GPM6B: variants seen among roughly 807,000 people sequenced by gnomAD.
The protein encoded by GPM6B is neuronal membrane glycoprotein M6-b.
Under a neutral mutation model 27.2 loss-of-function variants are expected in GPM6B, and 4 were observed. The observed-to-expected ratio is 0.15, with a 90% CI of 0.07 to 0.34. The LOEUF (loss-of-function observed/expected upper bound fraction) is 0.34. Ranked by LOEUF, GPM6B falls within the 10% of genes least tolerant of loss-of-function variation. The probability of loss-of-function intolerance (pLI) is 1.00; values close to 1 mark genes in which losing one functional copy is unlikely to be tolerated. For missense variants in GPM6B, 183 were observed against 261.9 expected, an observed-to-expected ratio of 0.70 and a Z score of 2.08; for synonymous variants, 124 against 103.1, an observed-to-expected ratio of 1.20 and a Z score of -1.23.
intron 5 of GPM6B, 37 bp from the exon 6 acceptor site, chrX:13,777,462 T>C: frequency 8.4e-6 from 8 of 957,005 alleles, no homozygotes; most frequent in Non-Finnish European, 1.2e-5. Flanking sequence ...TAGTACAAAC[T>C]ATAGCGCCTC....
intron 1 of GPM6B, among the ~76,000 whole-genome samples, chrX:13,890,139 C>G (rs1000008602): frequency 1.8e-5 from 2 of 111,192 alleles, no homozygotes; most frequent in African/African-American, 6.6e-5. Context: ...GTCATAAAGA[C>G]CTTGCTGATA....
intron 7 of GPM6B, chrX:13,773,963 T>C (rs2048355604): frequency 1.4e-6 from 1 of 698,869 alleles, no homozygotes; most frequent in Non-Finnish European, 1.7e-6. Flanking sequence ...CTTTTTTTTT[T>C]TTTTTTTTTT....
At chrX:13,907,298 G>C (rs1474474859) in intron 1 of GPM6B, among the ~76,000 whole-genome samples, 1 of 112,361 alleles carries the variant, frequency 8.9e-6, no homozygotes, top group Admixed American at 9.4e-5. Flanking sequence ...CTGTGGCTTG[G>C]AAAAGCTAAA....
intron 1 of GPM6B, among the ~76,000 whole-genome samples, chrX:13,936,032 G>C (rs761106364): frequency 1.8e-5 from 2 of 112,011 alleles, no homozygotes; most frequent in South Asian, 7.6e-4. Context: ...CCAGGGGCTG[G>C]GGGGAGAAGA....
chrX:13,869,587 C>T (rs945944813), intron 1 of GPM6B, among the ~76,000 whole-genome samples: 2 of 111,364 alleles, frequency 1.8e-5, no homozygotes, highest in East Asian at 2.8e-4. Context: ...TTCCGATTGT[C>T]GAACCAATGG....
intron 1 of GPM6B, among the ~76,000 whole-genome samples, chrX:13,839,107 C>T (rs1013706492): frequency 3.6e-5 from 4 of 111,625 alleles, no homozygotes; most frequent in Non-Finnish European, 7.5e-5. Flanking sequence ...CTCTCTGAAG[C>T]CTGCTACCTG....
At chrX:13,859,217 T>A (rs2049815416) in intron 1 of GPM6B, among the ~76,000 whole-genome samples, 1 of 112,107 alleles carries the variant, frequency 8.9e-6, no homozygotes, top group Middle Eastern at 4.2e-3. Context: ...TTTACAAAGT[T>A]TCCTAGTACC....
In GPM6B at chrX:13,776,895, T is replaced by G. The variant is rs568463102; in HGVS notation, c.771+457A>C. Among the ~76,000 whole-genome samples, 14 of 111,925 alleles carry G rather than the reference T, an allele frequency of 1.3e-4. No homozygotes were observed. In the South Asian group the frequency reaches 5.3e-3, roughly 42 times the overall value. ...CATTCCAGAAATATAAATGATTAACTGTGGCCTCATTTATTAAAAGTTGGG... is the reference window on the plus strand; with the variant it reads ...CATTCCAGAAATATAAATGATTAACGGTGGCCTCATTTATTAAAAGTTGGG... On this transcript the variant is annotated intron_variant, in intron 6 of 7. Transcript: ENST00000316715.
chrX:13,861,473 A>AT (rs991047580), intron 1 of GPM6B, among the ~76,000 whole-genome samples: 1 of 111,498 alleles, frequency 9.0e-6, no homozygotes, highest in Non-Finnish European at 1.9e-5. Context: ...AACATCTATT[A>AT]TTTTTTTATT....
chrX:13,803,721 G>A (rs774614524), intron 2 of GPM6B, among the ~76,000 whole-genome samples: 44 of 111,811 alleles, frequency 3.9e-4, no homozygotes, highest in African/African-American at 1.3e-3. Flanking sequence ...TTTCTCCCAA[G>A]CTTCCATCAA....
chrX:13,815,932 A>G lies in GPM6B; in HGVS notation c.61+912T>C, dbSNP rs146665110. On this transcript the variant is annotated intron_variant, in intron 1 of 7. Coordinates refer to ENST00000316715, the MANE Select transcript of GPM6B (RefSeq NM_001001995.3). ...TAACCTTAGCATGATGGCTTTTTATATTAGAGCCACTGCGGTTACAGAATA... is the reference window on the plus strand; with the variant it reads ...TAACCTTAGCATGATGGCTTTTTATGTTAGAGCCACTGCGGTTACAGAATA... Among the ~76,000 whole-genome samples the G allele has an allele frequency of 7.1e-3, 795 of 111,900 alleles. 11 individuals carry two copies. Among genetic ancestry groups the G allele is most frequent in the African/African-American group, 0.024 (739 of 30,761 alleles).
intron 1 of GPM6B, among the ~76,000 whole-genome samples, chrX:13,823,299 G>T (rs1407312245): frequency 8.9e-6 from 1 of 112,016 alleles, no homozygotes; most frequent in Non-Finnish European, 1.9e-5. Flanking sequence ...AGCCCAGGCA[G>T]GTCACTGTCA....
At chrX:13,862,150 T>C (rs769440414) in intron 1 of GPM6B, among the ~76,000 whole-genome samples, 3 of 111,380 alleles carry the variant, frequency 2.7e-5, no homozygotes, top group African/African-American at 9.8e-5. Context: ...GTCTATTAAG[T>C]GGATCTTGGT....
At chrX:13,785,119 T>G (rs2048585031) in intron 3 of GPM6B, among the ~76,000 whole-genome samples, 1 of 111,694 alleles carries the variant, frequency 9.0e-6, no homozygotes, top group Non-Finnish European at 1.9e-5. Flanking sequence ...CATTCCACCC[T>G]GGGGCCTAAA....
intron 1 of GPM6B, among the ~76,000 whole-genome samples, chrX:13,838,440 C>T (rs1470015615): frequency 5.3e-5 from 6 of 112,734 alleles, no homozygotes; most frequent in Non-Finnish European, 9.4e-5. Flanking sequence ...AATTAAGATT[C>T]ATCTGGCTCA....
chrX:13,781,160 G>C (rs1038355364), intron 4 of GPM6B, among the ~76,000 whole-genome samples: 3 of 111,471 alleles, frequency 2.7e-5, no homozygotes, highest in Non-Finnish European at 3.8e-5. Flanking sequence ...CTTCCCTTCT[G>C]TCAGAGGCCA....
At chrX:13,786,271 A>T (rs2048610431) in intron 2 of GPM6B, among the ~76,000 whole-genome samples, 1 of 112,240 alleles carries the variant, frequency 8.9e-6, no homozygotes, top group African/African-American at 3.2e-5. Context: ...GGGTTTCAAT[A>T]CGTCTGCTGC....
chrX:13,856,249 T>A (rs1328696479), intron 1 of GPM6B, among the ~76,000 whole-genome samples: 1 of 111,911 alleles, frequency 8.9e-6, no homozygotes, highest in Non-Finnish European at 1.9e-5. Context: ...ATTCTCTACA[T>A]GCTCACAGAA....
intron 1 of GPM6B, among the ~76,000 whole-genome samples, chrX:13,901,419 C>A (rs183413288): frequency 4.4e-4 from 35 of 78,948 alleles, no homozygotes; most frequent in African/African-American, 1.9e-3. Context: ...GAATGCCCCA[C>A]TTCCTTGTTT....
Sources: gnomAD v4.1 joint callset for allele counts (sites outside exome capture counted in the v4.1 genomes callset) on GRCh38, gnomAD v4.1.1 for gene constraint, MANE v1.5 for transcripts, NCBI Gene and HGNC (gene_info 2026-07-23, HGNC 2026-07-21) for gene names.